SLC4A10: variants seen among roughly 807,000 people sequenced by gnomAD.
The protein encoded by SLC4A10 is solute carrier family 4 member 10, also known as sodium-driven chloride bicarbonate exchanger.
In SLC4A10, 42 loss-of-function variants were observed where a neutral mutation model predicts 137.7. The observed-to-expected ratio is 0.30, with a 90% CI of 0.24 to 0.39. The LOEUF is 0.39. SLC4A10 is among the 10% of genes least tolerant of loss of function. The pLI is 1.00. For synonymous variants in SLC4A10, 474 were observed against 464.1 expected (o/e 1.02, Z -0.27); for missense variants, 925 against 1,355.0 (o/e 0.68, Z 4.98).
intron 23 of SLC4A10, among the ~76,000 whole-genome samples, chr2:161,972,213 C>T (rs1374008696): frequency 7.8e-6 from 1 of 127,634 alleles, no homozygotes; most frequent in Non-Finnish European, 1.8e-5. Context: ...CCTATCTTGT[C>T]TTACTTAATG....
intron 3 of SLC4A10, among the ~76,000 whole-genome samples, chr2:161,836,592 GA>G (rs1468880605): frequency 2.7e-5 from 1 of 37,296 alleles, no homozygotes; most frequent in Non-Finnish European, 6.1e-5. Context: ...AAGAAAGAAA[GA>G]AAGAAAGGAA....
At chr2:161,777,841 A>C (rs543617297) in intron 2 of SLC4A10, among the ~76,000 whole-genome samples, 25 of 152,072 alleles carry the variant, frequency 1.6e-4, no homozygotes, top group African/African-American at 5.5e-4. Context: ...TTTCCTTCTA[A>C]GAGCTTTATA....
chr2:161,759,513 C>A (rs2050021633), intron 1 of SLC4A10, among the ~76,000 whole-genome samples: 1 of 152,046 alleles, frequency 6.6e-6, no homozygotes, highest in African/African-American at 2.4e-5. Flanking sequence ...GGCAACCAAC[C>A]TTCTACACTC....
At chr2:161,763,466 G>A (rs887686543) in intron 1 of SLC4A10, among the ~76,000 whole-genome samples, 2 of 152,108 alleles carry the variant, frequency 1.3e-5, no homozygotes, top group African/African-American at 4.8e-5. Flanking sequence ...AAAGATGTGG[G>A]CAGGATAAAG....
At chr2:161,630,912 G>A (rs1443803373) in intron 1 of SLC4A10, among the ~76,000 whole-genome samples, 1 of 151,666 alleles carries the variant, frequency 6.6e-6, no homozygotes, top group East Asian at 1.9e-4. Flanking sequence ...TAGTTAATAA[G>A]TAACTTGTCT....
At chr2:161,910,018 A>G (rs753264826) in intron 15 of SLC4A10, among the ~76,000 whole-genome samples, 120 of 152,174 alleles carry the variant, frequency 7.9e-4, no homozygotes, top group Non-Finnish European at 9.0e-4. Context: ...TTCCTAGAAA[A>G]TGTTATAGCT....
chr2:161,733,115 C>T (rs2046978824), intron 1 of SLC4A10, among the ~76,000 whole-genome samples: 1 of 152,146 alleles, frequency 6.6e-6, no homozygotes, highest in Non-Finnish European at 1.5e-5. Context: ...GAAATTCAAG[C>T]AGGCTGCATA....
At chr2:161,636,691 C>A (rs926963468) in intron 1 of SLC4A10, among the ~76,000 whole-genome samples, 4 of 151,242 alleles carry the variant, frequency 2.6e-5, no homozygotes, top group Non-Finnish European at 5.9e-5. Flanking sequence ...CCACGCCTGA[C>A]CTTTTTATTT....
intron 6 of SLC4A10, among the ~76,000 whole-genome samples, chr2:161,868,931 A>G (rs992907755): frequency 1.3e-5 from 2 of 151,616 alleles, no homozygotes; most frequent in East Asian, 3.8e-4. Context: ...GAACATTGCA[A>G]TGACATTCAT....
chr2:161,754,844 C>T (rs1044220969), intron 1 of SLC4A10, among the ~76,000 whole-genome samples: 1 of 152,044 alleles, frequency 6.6e-6, no homozygotes, highest in African/African-American at 2.4e-5. Context: ...TTGGAAATAG[C>T]AAGTTCATAA....
chr2:161,853,698 C>T (rs1293179455), intron 4 of SLC4A10, among the ~76,000 whole-genome samples: 1 of 150,332 alleles, frequency 6.7e-6, no homozygotes, highest in East Asian at 1.9e-4. Flanking sequence ...AAGAGATATA[C>T]TGTTGGTGAT....
At chr2:161,736,408 A>G (rs2047347571) in intron 1 of SLC4A10, among the ~76,000 whole-genome samples, 1 of 152,218 alleles carries the variant, frequency 6.6e-6, no homozygotes. Context: ...GTCCTTTCTC[A>G]CACTGCTATG....
chr2:161,662,559 C>G (rs1397971653), intron 1 of SLC4A10, among the ~76,000 whole-genome samples: 2 of 152,160 alleles, frequency 1.3e-5, no homozygotes, highest in Non-Finnish European at 2.9e-5. Context: ...GCTTTCCCTT[C>G]AGGCATCTTG....
intron 3 of SLC4A10, among the ~76,000 whole-genome samples, chr2:161,817,696 A>G (rs2057224149): frequency 6.6e-6 from 1 of 152,148 alleles, no homozygotes. Context: ...CTTTCTACCT[A>G]TGGCTAGCCA....
At chr2:161,749,941 C>G (rs188971195) in intron 1 of SLC4A10, among the ~76,000 whole-genome samples, 1 of 151,806 alleles carries the variant, frequency 6.6e-6, no homozygotes, top group African/African-American at 2.4e-5. Context: ...TATTATTGGT[C>G]TGTTCAAGCT....
intron 3 of SLC4A10, among the ~76,000 whole-genome samples, chr2:161,830,768 C>T (rs2058384174): frequency 6.6e-6 from 1 of 152,060 alleles, no homozygotes; most frequent in Admixed American, 6.6e-5. Flanking sequence ...ATAAAACAAA[C>T]ATGGTTTCTG....
chr2:161,660,158 G>T (rs538334139), intron 1 of SLC4A10, among the ~76,000 whole-genome samples: 1 of 152,272 alleles, frequency 6.6e-6, no homozygotes, highest in Non-Finnish European at 1.5e-5. Flanking sequence ...TGGTTGGGTT[G>T]TATGGTATAT....
intron 1 of SLC4A10, among the ~76,000 whole-genome samples, chr2:161,698,934 G>A (rs2042844066): frequency 6.6e-6 from 1 of 152,030 alleles, no homozygotes; most frequent in Non-Finnish European, 1.5e-5. Context: ...AATCTGTCTG[G>A]TCCTGTACTT....
At chr2:161,854,246 C>T (rs2059980065) in intron 4 of SLC4A10, among the ~76,000 whole-genome samples, 1 of 152,140 alleles carries the variant, frequency 6.6e-6, no homozygotes, top group Non-Finnish European at 1.5e-5. Context: ...GCAATAAAAT[C>T]ACTGGTTTCT....
Sources: gnomAD v4.1 joint callset for allele counts (sites outside exome capture counted in the v4.1 genomes callset) on GRCh38, gnomAD v4.1.1 for gene constraint, MANE v1.5 for transcripts, NCBI Gene and HGNC (gene_info 2026-07-23, HGNC 2026-07-21) for gene names.